Variants in CRACR2A observed in about 807,000 individuals in gnomAD.
CRACR2A encodes the protein EF-hand calcium-binding domain-containing protein 4B.
In CRACR2A, 79 loss-of-function variants were observed where a neutral mutation model predicts 90.5. That is an observed-to-expected ratio of 0.87 (90% CI 0.73 to 1.05). CRACR2A has a LOEUF of 1.05. Among genes scored for constraint, CRACR2A ranks in the 50% least tolerant of loss-of-function variants. CRACR2A has a pLI of 0.00. For missense variants in CRACR2A, 823 were observed against 897.2 expected (o/e 0.92, Z 1.06); for synonymous variants, 338 against 356.7 (o/e 0.95, Z 0.59).
rs972420041 is a variant in CRACR2A, at chr12:3,733,109, A to C, written c.-285T>G. The C allele has an allele frequency of 6.6e-6, 1 of 152,432 alleles. No individual in the cohort carries two copies. Among genetic ancestry groups the C allele is most frequent in the African/African-American group, 2.4e-5 (1 of 41,428 alleles). The allele number at this position is 152,432 out of a possible 1,614,324, so 9.4% of individuals were successfully genotyped here. On this transcript the variant is annotated 5_prime_UTR_variant, in exon 2 of 20. Coordinates refer to ENST00000440314, the MANE Select transcript of CRACR2A (RefSeq NM_001144958.2). ...GAGGCTCTGGCTGGGCTCATGGAGG[A>C]AGAGTGGCAAGTTGCTGCTGCCCCA...
intron 18 of CRACR2A, among the ~76,000 whole-genome samples, chr12:3,618,286 A>T (rs1423233682): frequency 6.6e-6 from 1 of 152,164 alleles, no homozygotes; most frequent in African/African-American, 2.4e-5. Flanking sequence ...CATATATTAT[A>T]TAATACCCTC....
At chr12:3,743,888 A>C (rs1946569131) in intron 1 of CRACR2A, among the ~76,000 whole-genome samples, 1 of 152,196 alleles carries the variant, frequency 6.6e-6, no homozygotes, top group African/African-American at 2.4e-5. Context: ...AATGACGAGC[A>C]ATAGGAAATG....
intron 15 of CRACR2A, among the ~76,000 whole-genome samples, chr12:3,631,807 C>T (rs1160212096): frequency 1.3e-5 from 2 of 152,120 alleles, no homozygotes; most frequent in East Asian, 3.8e-4. Flanking sequence ...GTTAGAAGGG[C>T]CAGTTTAGGG....
rs138620265 is a variant in CRACR2A, at chr12:3,625,846, C to T, written c.1932+1590G>A. 4.6e-4 allele frequency among the ~76,000 whole-genome samples: 70 copies of T among 151,964 alleles called. 1 individual carries two copies. In the Middle Eastern group the frequency reaches 0.02, roughly 44 times the overall value. On this transcript the variant is annotated intron_variant, in intron 17 of 19. Transcript: ENST00000440314. ...CCCTGGATTAGGTAATCCCTAACAT[C>T]CCTCCTGGTGCTTAACTTCTGCAAA...
At chr12:3,734,105 G>A (rs924987783) in intron 1 of CRACR2A, among the ~76,000 whole-genome samples, 2 of 30,244 alleles carry the variant, frequency 6.6e-5, no homozygotes, top group Non-Finnish European at 1.2e-4. Context: ...TGAGTAGCTG[G>A]GACTACAGGC....
At chr12:3,704,507 T>C (rs1945885299) in intron 3 of CRACR2A, among the ~76,000 whole-genome samples, 1 of 152,168 alleles carries the variant, frequency 6.6e-6, no homozygotes, top group South Asian at 2.1e-4. Context: ...CACACACACA[T>C]ATACACATAT....
chr12:3,749,830 T>A (rs1190496527), intron 1 of CRACR2A, among the ~76,000 whole-genome samples: 2 of 132,056 alleles, frequency 1.5e-5, no homozygotes, highest in African/African-American at 5.4e-5. Flanking sequence ...TGTGTGTGTG[T>A]GTGTGTGTGT....
intron 4 of CRACR2A, 90 bp downstream of exon 4, chr12:3,696,682 G>T: frequency 6.4e-7 from 1 of 1,558,026 alleles, no homozygotes; most frequent in Non-Finnish European, 8.7e-7. Flanking sequence ...TTTCTGTTAA[G>T]GATGTCACCT....
chr12:3,680,273 C>T lies in CRACR2A; in HGVS notation c.305G>A (p.Gly102Asp). 1 of 1,614,154 alleles carries T rather than the reference C, an allele frequency of 6.2e-7. No homozygotes were observed. The highest frequency in any genetic ancestry group is 8.5e-7 in the Non-Finnish European group (1 of 1,179,982). The change falls in exon 5 of 20, where the codon GGC becomes GAC. Residue 102 changes from glycine to aspartate, a missense_variant. Transcript: ENST00000440314. ...VFDALDADGN[G>D]YLTPQEFTTG... Reference sequence around the variant, plus strand: ...AGTGAACTCCTGTGGGGTCAGATAGCCATTGCCATCAGCATCCAGGGCATC... The same window carrying T: ...AGTGAACTCCTGTGGGGTCAGATAGTCATTGCCATCAGCATCCAGGGCATC...
At chr12:3,648,705 C>T (rs1944739080) in intron 10 of CRACR2A, 92 bp from the exon 11 acceptor site, 3 of 1,515,696 alleles carry the variant, frequency 2.0e-6, no homozygotes, top group Admixed American at 3.9e-5. Context: ...TGATGCCGTG[C>T]TGGGGATGGA....
chr12:3,629,858 G>T (rs995650556), intron 15 of CRACR2A, among the ~76,000 whole-genome samples: 27 of 147,106 alleles, frequency 1.8e-4, no homozygotes, highest in Admixed American at 6.0e-4. Flanking sequence ...AGGGGGGGGG[G>T]GGATGAAGAG....
At chr12:3,701,099 T>G (rs1945827610) in intron 3 of CRACR2A, among the ~76,000 whole-genome samples, 1 of 150,750 alleles carries the variant, frequency 6.6e-6, no homozygotes, top group Non-Finnish European at 1.5e-5. Flanking sequence ...AACACACTTC[T>G]AAACAACTCA....
intron 4 of CRACR2A, among the ~76,000 whole-genome samples, chr12:3,682,621 C>G (rs778134713): frequency 2.1e-4 from 32 of 152,260 alleles, no homozygotes; most frequent in Admixed American, 9.2e-4. Flanking sequence ...TTCACTACAC[C>G]TGATTCTTTC....
At chr12:3,673,896 G>A (rs751772841) in intron 6 of CRACR2A, among the ~76,000 whole-genome samples, 1 of 152,194 alleles carries the variant, frequency 6.6e-6, no homozygotes, top group South Asian at 2.1e-4. Flanking sequence ...ATGGAGTCAG[G>A]GGTCCAGCTC....
chr12:3,730,083 TACAGAAGATTA>T (rs1418191536), intron 2 of CRACR2A: 3 of 152,156 alleles, frequency 2.0e-5, no homozygotes, highest in Non-Finnish European at 4.4e-5. Flanking sequence ...ATCTCAAGCA[TACAGAAGATTA>T]ACAGAAATGG....
intron 7 of CRACR2A, among the ~76,000 whole-genome samples, chr12:3,664,188 G>A (rs1266530277): frequency 1.3e-5 from 2 of 152,150 alleles, no homozygotes; most frequent in Non-Finnish European, 2.9e-5. Flanking sequence ...TTGGTTTCTA[G>A]TTTTATTATA....
chr12:3,736,066 G>A (rs767473135), intron 1 of CRACR2A, among the ~76,000 whole-genome samples: 15 of 152,056 alleles, frequency 9.9e-5, no homozygotes, highest in African/African-American at 1.5e-4. Flanking sequence ...TATGGGGTGA[G>A]GCAGGGAGGT....
intron 3 of CRACR2A, among the ~76,000 whole-genome samples, chr12:3,699,016 T>C (rs1039434413): frequency 3.3e-5 from 5 of 152,178 alleles, no homozygotes; most frequent in African/African-American, 1.2e-4. Context: ...GAGTGCTTTC[T>C]CTTGCCAGGC....
intron 17 of CRACR2A, among the ~76,000 whole-genome samples, chr12:3,619,980 T>G (rs1340035117): frequency 6.6e-6 from 1 of 152,268 alleles, no homozygotes; most frequent in Non-Finnish European, 1.5e-5. Context: ...CCCCTGTCAC[T>G]GGGCGCTTTG....
Sources: allele counts gnomAD v4.1 joint callset (sites outside exome capture counted in the v4.1 genomes callset), GRCh38; gene constraint gnomAD v4.1.1; transcripts MANE v1.5; gene names NCBI Gene and HGNC (gene_info 2026-07-23, HGNC 2026-07-21).